TPM3: variants seen among roughly 807,000 people sequenced by gnomAD.
TPM3 encodes the protein tropomyosin 3.
A neutral mutation model predicts 43.1 loss-of-function variants in TPM3; 16 were observed. The observed-to-expected ratio is 0.37, with a 90% CI of 0.25 to 0.56. The LOEUF (loss-of-function observed/expected upper bound fraction) is 0.56. Among genes scored for constraint, TPM3 ranks in the 20% least tolerant of loss-of-function variants. The probability of loss-of-function intolerance (pLI) is 0.77; values close to 1 mark genes in which losing one functional copy is unlikely to be tolerated. For synonymous variants in TPM3, 101 were observed against 116.9 expected (o/e 0.86, Z 0.88); for missense variants, 176 against 337.2 (o/e 0.52, Z 3.74).
At position 154,162,297 on chromosome 1, in the gene TPM3, G is replaced by A. The variant is rs564296987; in HGVS notation, c.*5640C>T. ...GGAGGATCACTTAAACCCAGGAGGC[G>A]GAGCTTGCAGTGAGCCAAGATCACA... On this transcript the variant is annotated 3_prime_UTR_variant, in exon 10 of 10. Coordinates refer to ENST00000651641, the MANE Select transcript of TPM3 (RefSeq NM_152263.4). 2.4e-3 allele frequency among the ~76,000 whole-genome samples: 353 copies of A among 149,808 alleles called. 1 individual carries two copies. Among genetic ancestry groups the A allele is most frequent in the African/African-American group, 7.5e-3 (306 of 40,740 alleles).
chr1:154,176,652 G>GAAAAAAAA (rs376095488), intron 2 of TPM3, among the ~76,000 whole-genome samples: 2 of 119,432 alleles, frequency 1.7e-5, no homozygotes, highest in Admixed American at 1.8e-4. Flanking sequence ...TCATAAAGCA[G>GAAAAAAAA]GAAAAAAAAA....
intron 3 of TPM3, among the ~76,000 whole-genome samples, chr1:154,173,726 A>T (rs1252638692): frequency 6.6e-6 from 1 of 152,072 alleles, no homozygotes; most frequent in Non-Finnish European, 1.5e-5. Context: ...GCAGTGGCTC[A>T]TGCCTGTAAT....
At chr1:154,183,280 C>T in intron 2 of TPM3, 1 of 1,512,552 alleles carries the variant, frequency 6.6e-7, no homozygotes, top group South Asian at 1.2e-5. Context: ...CACCGCCAGG[C>T]AGGCGGGAAG....
chr1:154,176,437 A>G (rs1290802707), intron 2 of TPM3, among the ~76,000 whole-genome samples, 189 bp from the exon 3 acceptor site: 1 of 152,086 alleles, frequency 6.6e-6, no homozygotes, highest in Admixed American at 6.6e-5. Context: ...TCCCTTTCCC[A>G]TCAACGAACT....
At chr1:154,189,968 G>GTC (rs1663609844) in intron 2 of TPM3, among the ~76,000 whole-genome samples, 1 of 152,112 alleles carries the variant, frequency 6.6e-6, no homozygotes, top group African/African-American at 2.4e-5. Context: ...TTGAGACAGA[G>GTC]TCTCTCTCTG....
intron 9 of TPM3, 78 bp from the exon 10 acceptor site, chr1:154,168,018 G>T: frequency 6.3e-7 from 1 of 1,594,362 alleles, no homozygotes; most frequent in South Asian, 1.1e-5. Flanking sequence ...AAAGGAAGAG[G>T]AAAAAAAGGA....
chr1:154,190,280 A>G (rs1553251514), intron 2 of TPM3, among the ~76,000 whole-genome samples: 1 of 152,088 alleles, frequency 6.6e-6, no homozygotes, highest in Non-Finnish European at 1.5e-5. Flanking sequence ...CTTTTTTCCT[A>G]TTAACTCAGT....
chr1:154,174,387 T>TA (rs1299522448), intron 3 of TPM3, among the ~76,000 whole-genome samples: 1 of 98,182 alleles, frequency 1.0e-5, no homozygotes, highest in East Asian at 3.2e-4. Flanking sequence ...TATATATATA[T>TA]ATATATATAT....
intron 2 of TPM3, chr1:154,178,064 G>C: frequency 1.1e-6 from 1 of 869,596 alleles, no homozygotes. Context: ...TCAAGAGCAA[G>C]TCAGGCTATC....
downstream of TPM3, chr1:154,159,188 G>A (rs1660109553): frequency 1.5e-6 from 1 of 671,414 alleles, no homozygotes; most frequent in Admixed American, 2.1e-5. Context: ...ACATGCATCT[G>A]TAAGGCAGGG....
chr1:154,161,270 G>A (rs1660334417), downstream of TPM3, among the ~76,000 whole-genome samples: 1 of 151,900 alleles, frequency 6.6e-6, no homozygotes, highest in Admixed American at 6.6e-5. Flanking sequence ...ATTCACTGGG[G>A]CGTCCTTGTC....
intron 8 of TPM3, 44 bp downstream of exon 8, chr1:154,170,356 T>G: frequency 4.4e-6 from 7 of 1,586,216 alleles, no homozygotes; most frequent in Non-Finnish European, 6.1e-6. Flanking sequence ...TGGGCAGTCT[T>G]CCTCTATATT....
rs1660839706 is a variant in TPM3 at position 154,165,485 on chromosome 1, G to A, written c.*2452C>T. On this transcript the variant is annotated 3_prime_UTR_variant, in exon 10 of 10. Coordinates refer to ENST00000651641, the MANE Select transcript of TPM3 (RefSeq NM_152263.4). The stretch of plus-strand genomic sequence containing the variant: ...TCCACTTTTGGAACCCAATAAAAAT[G>A]AATATGCAAGTTTAACATGTTGGCT... Among the ~76,000 whole-genome samples, 1 of 151,088 alleles carries A rather than the reference G, an allele frequency of 6.6e-6. No individual in the cohort carries two copies.
chr1:154,155,526 C>T (rs768772404), downstream of TPM3: 5 of 236,240 alleles, frequency 2.1e-5, no homozygotes, highest in Non-Finnish European at 3.3e-5. Flanking sequence ...GATTCACGTC[C>T]GGCCTCCAGG....
rs1383649289 is a variant in TPM3 at position 154,163,650 on chromosome 1, T to C, written c.*4287A>G. ...GTTTTCCTCATTGTTTAATTTTTTT[T>C]TGAGACAGAGTCTTGCTCTGTCACC... On this transcript the variant is annotated 3_prime_UTR_variant, in exon 10 of 10. Transcript: ENST00000651641. 1.3e-5 allele frequency among the ~76,000 whole-genome samples: 2 copies of C among 152,156 alleles called. No homozygotes were observed. The highest frequency in any genetic ancestry group is 2.9e-5 in the Non-Finnish European group (2 of 68,038).
intron 1 of TPM3, 187 bp downstream of exon 1, chr1:154,191,715 C>G: frequency 6.5e-7 from 1 of 1,530,556 alleles, no homozygotes; most frequent in Non-Finnish European, 8.7e-7. Context: ...ACTGACTTTC[C>G]CAAGGTCACA....
At chr1:154,177,473 T>C (rs1662464359) in intron 2 of TPM3, among the ~76,000 whole-genome samples, 3 of 152,136 alleles carry the variant, frequency 2.0e-5, no homozygotes, top group Admixed American at 2.0e-4. Flanking sequence ...GGAGGCAGCC[T>C]GCAGGTGGAT....
chr1:154,177,365 C>A (rs1053218671), intron 2 of TPM3, among the ~76,000 whole-genome samples: 2 of 152,138 alleles, frequency 1.3e-5, no homozygotes, highest in Admixed American at 6.5e-5. Context: ...AATACAGCGA[C>A]AATCTTCCCC....
chr1:154,163,380 T>C lies in TPM3; in HGVS notation c.*4557A>G, dbSNP rs1171393307. On this transcript the variant is annotated 3_prime_UTR_variant, in exon 10 of 10. Transcript: ENST00000651641. ...GCTCTAAAGTAAATTATATTGCCTA[T>C]ATAATCTTCCTACCAATACACTCTT... is the stretch of plus-strand genomic sequence containing the variant. 6.6e-6 allele frequency among the ~76,000 whole-genome samples: 1 copy of C among 152,188 alleles called. No individual in the cohort carries two copies. Among genetic ancestry groups the C allele is most frequent in the Non-Finnish European group, 1.5e-5 (1 of 68,026 alleles).
Sources: allele counts gnomAD v4.1 joint callset (sites outside exome capture counted in the v4.1 genomes callset), GRCh38; gene constraint gnomAD v4.1.1; transcripts MANE v1.5; gene names NCBI Gene and HGNC (gene_info 2026-07-23, HGNC 2026-07-21).